Variants in PC observed in about 807,000 individuals in gnomAD.
PC encodes the protein pyruvate carboxylase, also known as pyruvate carboxylase, mitochondrial.
A neutral mutation model predicts 107.8 loss-of-function variants in PC; 46 were observed. The ratio of observed to expected loss-of-function variants is 0.43; its 90% CI spans 0.34 to 0.55. The LOEUF (loss-of-function observed/expected upper bound fraction) is 0.55, where lower values mean the gene tolerates loss of function less well. PC is among the 20% of genes least tolerant of loss of function. The probability of loss-of-function intolerance (pLI) is 0.04; values close to 1 mark genes in which losing one functional copy is unlikely to be tolerated. For missense variants in PC, 1,241 were observed against 1,643.1 expected (o/e 0.76, Z 4.23); for synonymous variants, 662 against 684.7 (o/e 0.97, Z 0.52).
rs1213021914 is a variant in PC at position 66,870,707 on chromosome 11, C to T, written c.751+68G>A. On this transcript the variant is annotated intron_variant, in intron 8 of 22. Transcript: ENST00000393960. The surrounding 1 kb of genome is among the most constrained non-coding windows in gnomAD (Gnocchi z 6.1). ...CTGTCCCCAAGGCCAGCCACTGTGA[C>T]GGCACCAGGACTGGGCCTCTCAGCT... The T allele has an allele frequency of 2.2e-5, 32 of 1,451,662 alleles. No individual in the cohort carries two copies. The highest frequency in any genetic ancestry group is 3.4e-5 in the South Asian group (3 of 87,996). The allele number at this position is 1,451,662 out of a possible 1,614,324, so 89.9% of individuals were successfully genotyped here.
In PC at chr11:66,858,303, G is replaced by C. The variant is rs1945998823; in HGVS notation, c.1369-4920C>G. 6.2e-7 allele frequency: 1 copy of C among 1,610,668 alleles called. No homozygotes were observed. The highest frequency in any genetic ancestry group is 8.5e-7 in the Non-Finnish European group (1 of 1,179,818). On this transcript the variant is annotated intron_variant, in intron 12 of 22. Coordinates refer to ENST00000393960, the MANE Select transcript of PC (RefSeq NM_001040716.2). The surrounding 1 kb of genome is among the most constrained non-coding windows in gnomAD (Gnocchi z 5.9). Reference sequence around the variant, plus strand: ...TAACCTTATTGACGCACTGCCCCCAGGCGCCTTCGCCCAGCTCGGTCAGCT... The same window carrying C: ...TAACCTTATTGACGCACTGCCCCCACGCGCCTTCGCCCAGCTCGGTCAGCT...
chr11:66,914,873 A>G (rs1025793317), intron 3 of PC, among the ~76,000 whole-genome samples: 2 of 151,848 alleles, frequency 1.3e-5, no homozygotes, highest in African/African-American at 4.8e-5. Context: ...CACGTCTAGA[A>G]AAAAAAATTA....
At chr11:66,882,563 C>G (rs1162854553) in intron 3 of PC, among the ~76,000 whole-genome samples, 4 of 151,982 alleles carry the variant, frequency 2.6e-5, no homozygotes, top group African/African-American at 9.7e-5. Context: ...AAACAGGCCC[C>G]AGGAACCTCC....
chr11:66,888,760 G>T (rs1409338112), intron 3 of PC, among the ~76,000 whole-genome samples: 2 of 152,184 alleles, frequency 1.3e-5, no homozygotes, highest in Non-Finnish European at 2.9e-5. Context: ...TTTCAGATGT[G>T]AATATTAACT....
Position 66,863,427 on chromosome 11 carries a change from G to A in PC, c.1368+347C>T, listed in dbSNP as rs1040154505. ...CCTGTGGGATCAGGATTTCCAGAAG[G>A]GAAGCCTGATGATATTTAACACACA... On this transcript the variant is annotated intron_variant, in intron 12 of 22. Coordinates refer to ENST00000393960, the MANE Select transcript of PC (RefSeq NM_001040716.2). Among the ~76,000 whole-genome samples the A allele has an allele frequency of 3.2e-4, 49 of 152,344 alleles. 1 individual carries two copies. Among genetic ancestry groups the A allele is most frequent in the Admixed American group, 2.7e-3 (41 of 15,304 alleles).
intron 3 of PC, among the ~76,000 whole-genome samples, chr11:66,914,359 A>G (rs1948416250): frequency 6.6e-6 from 1 of 152,122 alleles, no homozygotes; most frequent in Admixed American, 6.5e-5. Context: ...TAAAAATACA[A>G]AAATTAGCTG....
At chr11:66,908,114 T>C (rs1273140402) in intron 3 of PC, among the ~76,000 whole-genome samples, 1 of 148,220 alleles carries the variant, frequency 6.7e-6, no homozygotes, top group African/African-American at 2.5e-5. Context: ...CAAGTTCTGG[T>C]GGAAAGATGA....
chr11:66,864,097 G>A (rs1946392472), intron 11 of PC, 141 bp from the exon 12 acceptor site: 1 of 849,536 alleles, frequency 1.2e-6, no homozygotes, highest in Non-Finnish European at 1.9e-6. Flanking sequence ...CCCAGCTCTG[G>A]CTGGTCAGGT....
rs1945292506 is a variant in PC, at chr11:66,848,734, G to A, written c.*165C>T. ...TCCGCCGGAGGAAAGGACGATGGCT[G>A]AAAGGAATGAACCACCGCAGGCGGT... On this transcript the variant is annotated 3_prime_UTR_variant, in exon 23 of 23. Transcript: ENST00000393960. 1 of 793,162 alleles carries A rather than the reference G, an allele frequency of 1.3e-6. No homozygotes were observed. Among genetic ancestry groups the A allele is most frequent in the Non-Finnish European group, 2.1e-6 (1 of 482,666 alleles). 49.1% of individuals were successfully genotyped at this position (793,162 alleles called of 1,614,324 possible).
chr11:66,853,629 A>G (rs1178561537), intron 12 of PC, among the ~76,000 whole-genome samples: 2 of 152,102 alleles, frequency 1.3e-5, no homozygotes, highest in East Asian at 3.9e-4. Context: ...GCTGAAGGCC[A>G]CCCTTCCTGC....
intron 3 of PC, among the ~76,000 whole-genome samples, chr11:66,951,865 G>A (rs1429743783): frequency 6.6e-6 from 1 of 151,602 alleles, no homozygotes; most frequent in Non-Finnish European, 1.5e-5. Context: ...ACTCCAGCCT[G>A]GCAACAGAGC....
intron 3 of PC, among the ~76,000 whole-genome samples, chr11:66,878,368 C>T (rs566553688): frequency 1.4e-4 from 22 of 152,238 alleles, no homozygotes; most frequent in African/African-American, 5.1e-4. Context: ...CCACACCACA[C>T]TCACTCCCCA....
rs549991937 is a variant in PC at position 66,849,955 on chromosome 11, G to A, written c.2880C>T (p.Pro960=). The stretch of plus-strand genomic sequence containing the variant: ...TCCCTACCTTAGAGCGAAAGGGTTC[G>A]GGGAACCCCCCATGGGGGACACCGA... ...GYIGVPHGGF[P]EPFRSKVLKD... Residue 960 remains proline, a synonymous_variant, in exon 20 of 23, where the codon CCC becomes CCT. Transcript: ENST00000393960. The A allele has an allele frequency of 2.5e-5, 41 of 1,613,534 alleles. No homozygotes were observed. Among genetic ancestry groups the A allele is most frequent in the South Asian group, 2.2e-4 (20 of 91,084 alleles).
intron 3 of PC, among the ~76,000 whole-genome samples, chr11:66,902,944 G>A (rs913161714): frequency 1.3e-5 from 2 of 152,236 alleles, no homozygotes; most frequent in South Asian, 2.1e-4. Flanking sequence ...CAGCGGCTGC[G>A]GCAAGCCGGG....
chr11:66,896,690 G>A (rs1038720452), intron 3 of PC, among the ~76,000 whole-genome samples: 2 of 152,216 alleles, frequency 1.3e-5, no homozygotes, highest in African/African-American at 4.8e-5. Context: ...CGCAAGACAC[G>A]AAAGCAGCAA....
chr11:66,930,263 G>A (rs941965268), intron 3 of PC, among the ~76,000 whole-genome samples: 9 of 152,134 alleles, frequency 5.9e-5, no homozygotes, highest in African/African-American at 2.2e-4. Context: ...GCAGTCCAAA[G>A]TTGTACTACC....
intron 3 of PC, among the ~76,000 whole-genome samples, chr11:66,904,499 A>AATT (rs1338539288): frequency 1.3e-5 from 2 of 152,160 alleles, no homozygotes; most frequent in Non-Finnish European, 2.9e-5. Context: ...TTAGCCTTGC[A>AATT]TGGTGGCATG....
chr11:66,898,696 G>A (rs61890456), intron 3 of PC, among the ~76,000 whole-genome samples: 2 of 152,010 alleles, frequency 1.3e-5, no homozygotes, highest in African/African-American at 4.8e-5. Flanking sequence ...CAAATAAAGT[G>A]CAATTCAATG....
At chr11:66,946,070 G>C (rs1293086014) in intron 3 of PC, among the ~76,000 whole-genome samples, 1 of 146,102 alleles carries the variant, frequency 6.8e-6, no homozygotes, top group African/African-American at 2.5e-5. Context: ...TCCGGCCTGG[G>C]CGACAGAGCG....
Sources: gnomAD v4.1 joint callset for allele counts (sites outside exome capture counted in the v4.1 genomes callset) on GRCh38, gnomAD v4.1.1 for gene constraint, Gnocchi (gnomAD v3.1) non-coding constraint, MANE v1.5 for transcripts, NCBI Gene and HGNC (gene_info 2026-07-23, HGNC 2026-07-21) for gene names.